ARMC9: variants seen among roughly 807,000 people sequenced by gnomAD.
ARMC9 encodes lisH domain-containing protein ARMC9.
A neutral mutation model predicts 107.0 loss-of-function variants in ARMC9; 94 were observed. That is an observed-to-expected ratio of 0.88 (90% CI 0.74 to 1.04). The LOEUF (loss-of-function observed/expected upper bound fraction) is 1.04, where lower values mean the gene tolerates loss of function less well. ARMC9 is among the 50% of genes least tolerant of loss of function. ARMC9 has a pLI of 0.00. For missense variants in ARMC9, 942 were observed against 1,030.1 expected (o/e 0.91, Z 1.17); for synonymous variants, 380 against 396.9 (o/e 0.96, Z 0.51).
chr2:231,212,746 G>A (rs1346255004), intron 3 of ARMC9, among the ~76,000 whole-genome samples: 2 of 152,168 alleles, frequency 1.3e-5, no homozygotes, highest in African/African-American at 4.8e-5. Flanking sequence ...TCTTCCAAGG[G>A]GTGCCTGCAT....
rs555509231 is a variant in ARMC9 at position 231,323,575 on chromosome 2, C to T, written c.1774-8218C>T. Reference sequence around the variant, plus strand: ...CCCTCCCAAGCCCTAAGGATGCCTCCGTTCCCTTTTCGCCGGTTTCAGTGT... The same window carrying T: ...CCCTCCCAAGCCCTAAGGATGCCTCTGTTCCCTTTTCGCCGGTTTCAGTGT... On this transcript the variant is annotated intron_variant, in intron 19 of 24. Coordinates refer to ENST00000611582, the MANE Select transcript of ARMC9 (RefSeq NM_001352754.2). Among the ~76,000 whole-genome samples the T allele has an allele frequency of 7.2e-4, 110 of 152,298 alleles. 1 individual carries two copies. Among genetic ancestry groups the T allele is most frequent in the Non-Finnish European group, 1.3e-3 (88 of 68,020 alleles).
chr2:231,239,840 ACAG>A lies in ARMC9; in HGVS notation c.781-102_781-100del, dbSNP rs1364165965. ...CTTACATACCTCATCATCATGCCTTACAGAAAGCTGTTGAGAGACCACTCTAAC... is the reference window on the plus strand; with the variant it reads ...CTTACATACCTCATCATCATGCCTTAAAAGCTGTTGAGAGACCACTCTAAC... On this transcript the variant is annotated intron_variant, in intron 8 of 24. Coordinates refer to ENST00000611582, the MANE Select transcript of ARMC9 (RefSeq NM_001352754.2). 2.2e-5 allele frequency: 20 copies of A among 920,302 alleles called. No homozygotes were observed. The East Asian group carries it at 4.9e-4, about 23-fold the overall frequency. 57.0% of individuals were successfully genotyped at this position (920,302 alleles called of 1,614,324 possible). A position where few individuals can be genotyped will look rare whatever the true frequency, so the allele number is the denominator to read the frequency against.
rs1049874931 is a variant in ARMC9 at position 231,272,641 on chromosome 2, G to A, written c.1211-314G>A. Among the ~76,000 whole-genome samples, 67 of 152,058 alleles carry A rather than the reference G, an allele frequency of 4.4e-4. 1 individual carries two copies. Among genetic ancestry groups the A allele is most frequent in the Middle Eastern group, 6.8e-3 (2 of 294 alleles). ...AGCAATTCTCCTGCCTCAGCCTCCC[G>A]AGTAGCTGGGATTACAGGCATCTGC... On this transcript the variant is annotated intron_variant, in intron 13 of 24. Coordinates refer to ENST00000611582, the MANE Select transcript of ARMC9 (RefSeq NM_001352754.2).
At chr2:231,256,280 G>A (rs1176355938) in intron 9 of ARMC9, 4 of 1,553,798 alleles carry the variant, frequency 2.6e-6, no homozygotes, top group Non-Finnish European at 3.5e-6. Context: ...TTTGGAGTCA[G>A]AGCGAGAAGC....
At chr2:231,321,781 G>T (rs1344685894) in intron 19 of ARMC9, among the ~76,000 whole-genome samples, 2 of 152,114 alleles carry the variant, frequency 1.3e-5, no homozygotes, top group East Asian at 3.9e-4. Flanking sequence ...CGGTGTCTGT[G>T]GTACTGCTGG....
At chr2:231,200,088 G>A (rs2030580338) in intron 1 of ARMC9, among the ~76,000 whole-genome samples, 1 of 152,134 alleles carries the variant, frequency 6.6e-6, no homozygotes, top group Admixed American at 6.5e-5. Flanking sequence ...CTATTTAAAC[G>A]GCTTAGGGAG....
intron 23 of ARMC9, among the ~76,000 whole-genome samples, chr2:231,367,231 A>T (rs1175184311): frequency 6.6e-6 from 1 of 152,144 alleles, no homozygotes; most frequent in Admixed American, 6.5e-5. Flanking sequence ...CTCTCCAAAA[A>T]GATGGTGTCC....
chr2:231,327,881 C>G lies in ARMC9; in HGVS notation c.1774-3912C>G, dbSNP rs149445615. Reference sequence around the variant, plus strand: ...CTCACTGCAACCTCTGCCTCCCGGGCTCAAGTGATTCTCATGCTTCAACCT... The same window carrying G: ...CTCACTGCAACCTCTGCCTCCCGGGGTCAAGTGATTCTCATGCTTCAACCT... On this transcript the variant is annotated intron_variant, in intron 19 of 24. Coordinates refer to ENST00000611582, the MANE Select transcript of ARMC9 (RefSeq NM_001352754.2). Among the ~76,000 whole-genome samples, 747 of 152,132 alleles carry G rather than the reference C, an allele frequency of 4.9e-3. 5 individuals carry two copies. Among genetic ancestry groups the G allele is most frequent in the African/African-American group, 0.017 (717 of 41,492 alleles).
chr2:231,201,722 G>A (rs973561868), intron 1 of ARMC9, among the ~76,000 whole-genome samples: 2 of 152,188 alleles, frequency 1.3e-5, no homozygotes, highest in African/African-American at 2.4e-5. Flanking sequence ...TCCCATCGTG[G>A]TTGTACTGTT....
intron 18 of ARMC9, 51 bp from the exon 19 acceptor site, chr2:231,296,147 C>A: frequency 6.9e-7 from 1 of 1,439,360 alleles, no homozygotes; most frequent in Non-Finnish European, 9.7e-7. Flanking sequence ...TTCTGTGGAC[C>A]AAGGCTCCCA....
chr2:231,352,451 C>T (rs1353742856), intron 21 of ARMC9, among the ~76,000 whole-genome samples: 1 of 152,010 alleles, frequency 6.6e-6, no homozygotes, highest in Non-Finnish European at 1.5e-5. Flanking sequence ...AGGCGCCTGC[C>T]ACCACGCCCA....
In ARMC9 at chr2:231,360,916, C is replaced by A. The variant is rs1298050558; in HGVS notation, c.2261+33C>A. 11 of 1,481,044 alleles carry A rather than the reference C, an allele frequency of 7.4e-6. No individual in the cohort carries two copies. Among genetic ancestry groups the A allele is most frequent in the Non-Finnish European group, 9.8e-6 (11 of 1,121,314 alleles). 91.7% of individuals were successfully genotyped at this position (1,481,044 alleles called of 1,614,324 possible). A position where few individuals can be genotyped will look rare whatever the true frequency, so the allele number is the denominator to read the frequency against. The stretch of plus-strand genomic sequence containing the variant: ...GGATATCACAAGGCCTCGAACCTGA[C>A]TCTCGGAGCTCTGGGAGTGGGCGCC... On this transcript the variant is annotated intron_variant, in intron 23 of 24. Transcript: ENST00000611582. This position sits in a 1 kb window ranked among gnomAD's most constrained non-coding sequence, Gnocchi z 4.7.
chr2:231,369,354 G>T (rs1246363695), intron 23 of ARMC9, among the ~76,000 whole-genome samples: 1 of 151,788 alleles, frequency 6.6e-6, no homozygotes, highest in African/African-American at 2.4e-5. Context: ...GTGCAGTGGC[G>T]TGATCTTGTC....
chr2:231,263,692 G>C (rs1054481734), intron 12 of ARMC9, among the ~76,000 whole-genome samples: 1 of 152,214 alleles, frequency 6.6e-6, no homozygotes, highest in African/African-American at 2.4e-5. Flanking sequence ...TCTGAGTTTT[G>C]AGTTGCCAGT....
chr2:231,255,679 CTTTAG>C lies in ARMC9; in HGVS notation c.880-903_880-899del, dbSNP rs935294890. 1.3e-5 allele frequency among the ~76,000 whole-genome samples: 2 copies of C among 152,128 alleles called. No homozygotes were observed. Among genetic ancestry groups the C allele is most frequent in the African/African-American group, 4.8e-5 (2 of 41,418 alleles). On this transcript the variant is annotated intron_variant, in intron 9 of 24. Transcript: ENST00000611582. The surrounding 1 kb of genome is among the most constrained non-coding windows in gnomAD (Gnocchi z 4.7). ...TGTGAGCTGGATTAGTGGTGTGTAA[CTTTAG>C]TTTGGGTTGATTTTTACATCGTATG...
At chr2:231,256,529 C>T (rs112171686) in intron 9 of ARMC9, 57 bp from the exon 10 acceptor site, 20 of 1,581,272 alleles carry the variant, frequency 1.3e-5, no homozygotes, top group African/African-American at 1.1e-4. Flanking sequence ...ATTTGGGATC[C>T]GTGCATTGCT....
rs531041591 is a variant in ARMC9, at chr2:231,299,849, C to G, written c.1773+3596C>G. On this transcript the variant is annotated intron_variant, in intron 19 of 24. Coordinates refer to ENST00000611582, the MANE Select transcript of ARMC9 (RefSeq NM_001352754.2). ...CAAAGCCCCAGACCCATTTAAACCT[C>G]CAGAGAAACAAAACCATCATTAGAT... 2.0e-4 allele frequency among the ~76,000 whole-genome samples: 30 copies of G among 152,250 alleles called. 1 individual carries two copies. Among genetic ancestry groups the G allele is most frequent in the African/African-American group, 6.3e-4 (26 of 41,560 alleles).
At position 231,273,053 on chromosome 2, in the gene ARMC9, G is replaced by A; in HGVS notation, c.1309G>A (p.Gly437Arg). 2 of 1,613,780 alleles carry A rather than the reference G, an allele frequency of 1.2e-6. No homozygotes were observed. Among genetic ancestry groups the A allele is most frequent in the Non-Finnish European group, 1.7e-6 (2 of 1,179,818 alleles). Reference protein sequence around the residue: ...KDIITRENVLGALQKFSLRRP... With the variant: ...KDIITRENVLRALQKFSLRRP... ...TATCATCACCAGGGAGAATGTTCTT[G>A]GGGCCCTGCAGAAGTTCAGTCTCAG... Residue 437 changes from glycine to arginine, a missense_variant, in exon 14 of 25, where the codon GGG becomes AGG. Physicochemically the swap from Gly to Arg is moderately radical, Grantham distance 125 (BLOSUM62 -2). Coordinates refer to ENST00000611582, the MANE Select transcript of ARMC9 (RefSeq NM_001352754.2).
chr2:231,241,312 G>A (rs1412929778), intron 9 of ARMC9, among the ~76,000 whole-genome samples: 3 of 151,968 alleles, frequency 2.0e-5, no homozygotes, highest in Non-Finnish European at 4.4e-5. Context: ...GTCGGTGATC[G>A]TGTGTCCTCC....
Sources: allele counts gnomAD v4.1 joint callset (sites outside exome capture counted in the v4.1 genomes callset), GRCh38; gene constraint gnomAD v4.1.1; non-coding constraint Gnocchi (gnomAD v3.1); transcripts MANE v1.5; gene names NCBI Gene and HGNC (gene_info 2026-07-23, HGNC 2026-07-21).